The following CTNNA3 variants were observed in gnomAD, a reference collection of about 807,000 sequenced individuals.
The protein encoded by CTNNA3 is catenin alpha-3.
Under a neutral mutation model 95.7 loss-of-function variants are expected in CTNNA3, and 76 were observed. That is an observed-to-expected ratio of 0.79 (90% CI 0.66 to 0.96). The LOEUF is 0.96. Among genes scored for constraint, CTNNA3 ranks in the 40% least tolerant of loss-of-function variants. The probability of loss-of-function intolerance (pLI) is 0.00; values close to 1 mark genes in which losing one functional copy is unlikely to be tolerated. For missense variants in CTNNA3, 1,191 were observed against 1,089.8 expected, an observed-to-expected ratio of 1.09 and a Z score of -1.31; for synonymous variants, 431 against 374.4, an observed-to-expected ratio of 1.15 and a Z score of -1.74.
intron 1 of CTNNA3, among the ~76,000 whole-genome samples, chr10:67,752,098 A>T (rs149023920): frequency 0.016 from 2,505 of 152,304 alleles, 72 homozygotes; most frequent in African/African-American, 0.057. Context: ...AACCAAATCC[A>T]GCAGCACATC....
intron 7 of CTNNA3, among the ~76,000 whole-genome samples, chr10:66,875,689 T>C (rs1364557568): frequency 6.6e-6 from 1 of 152,172 alleles, no homozygotes; most frequent in Non-Finnish European, 1.5e-5. Context: ...GAGCAAAACA[T>C]TTAAATGTCA....
chr10:67,577,969 CA>C (rs1391321418), intron 3 of CTNNA3, among the ~76,000 whole-genome samples: 2 of 147,680 alleles, frequency 1.4e-5, no homozygotes, highest in Middle Eastern at 3.4e-3. Context: ...TTTCTACCAA[CA>C]GAATATAAGA....
chr10:67,197,120 T>C (rs1863411851), intron 6 of CTNNA3, among the ~76,000 whole-genome samples: 1 of 152,132 alleles, frequency 6.6e-6, no homozygotes, highest in African/African-American at 2.4e-5. Context: ...TAACATCATG[T>C]GTGTCCCACC....
At chr10:66,553,450 T>TG (rs936208032) in intron 10 of CTNNA3, among the ~76,000 whole-genome samples, 20 of 151,200 alleles carry the variant, frequency 1.3e-4, no homozygotes, top group African/African-American at 4.6e-4. Flanking sequence ...CTTTTTTTTT[T>TG]TCAGTGATTA....
intron 1 of CTNNA3, among the ~76,000 whole-genome samples, chr10:67,734,475 C>T (rs1206484048): frequency 1.3e-5 from 2 of 152,046 alleles, no homozygotes; most frequent in East Asian, 1.9e-4. Flanking sequence ...AAGGAATAAT[C>T]TAGCAGAGGA....
chr10:67,438,267 A>G (rs1326177929), intron 5 of CTNNA3, among the ~76,000 whole-genome samples: 2 of 152,170 alleles, frequency 1.3e-5, no homozygotes, highest in Non-Finnish European at 2.9e-5. Flanking sequence ...TGCCAAAACT[A>G]TCAATAAAGT....
chr10:66,660,783 C>G (rs1846236078), intron 9 of CTNNA3, among the ~76,000 whole-genome samples: 1 of 152,136 alleles, frequency 6.6e-6, no homozygotes, highest in Non-Finnish European at 1.5e-5. Context: ...TCTCTACTCT[C>G]ATTATCCCAT....
At position 66,626,407 on chromosome 10, in the gene CTNNA3, T is replaced by G. The variant is rs544499720; in HGVS notation, c.1282-4623A>C. Among the ~76,000 whole-genome samples the G allele has an allele frequency of 4.4e-4, 67 of 152,274 alleles. 1 individual carries two copies. The South Asian group carries it at 0.014, about 31-fold the overall frequency. ...TGTAATATCATGTCACCACGTCTCC[T>G]AGCTCTCAATGGGGGAGAAAGGTCA... is the stretch of plus-strand genomic sequence containing the variant. On this transcript the variant is annotated intron_variant, in intron 9 of 17. Transcript: ENST00000433211.
chr10:67,122,578 T>C (rs1484911159), intron 7 of CTNNA3, among the ~76,000 whole-genome samples: 1 of 152,148 alleles, frequency 6.6e-6, no homozygotes, highest in African/African-American at 2.4e-5. Context: ...TGTGGATGAA[T>C]CTATCTTGTT....
intron 10 of CTNNA3, among the ~76,000 whole-genome samples, chr10:66,616,526 G>A (rs1844519926): frequency 6.6e-6 from 1 of 151,976 alleles, no homozygotes; most frequent in Non-Finnish European, 1.5e-5. Flanking sequence ...GTGTTCATAT[G>A]ATATAGTTTC....
At chr10:66,616,893 T>A (rs1306114593) in intron 10 of CTNNA3, among the ~76,000 whole-genome samples, 2 of 151,992 alleles carry the variant, frequency 1.3e-5, no homozygotes, top group Admixed American at 6.6e-5. Flanking sequence ...CTTTTTTTCA[T>A]CTTATTAAAA....
At chr10:66,765,698 C>T (rs1206755964) in intron 9 of CTNNA3, among the ~76,000 whole-genome samples, 6 of 152,132 alleles carry the variant, frequency 3.9e-5, no homozygotes, top group African/African-American at 1.2e-4. Context: ...CAGCAATATG[C>T]TATCCTGTTC....
At chr10:66,039,507 T>C (rs1237829243) in intron 15 of CTNNA3, among the ~76,000 whole-genome samples, 3 of 152,278 alleles carry the variant, frequency 2.0e-5, no homozygotes, top group East Asian at 1.9e-4. Flanking sequence ...CAAAACAGCA[T>C]GGTAATGGTA....
intron 9 of CTNNA3, among the ~76,000 whole-genome samples, chr10:66,624,982 AC>A (rs1844882024): frequency 6.6e-6 from 1 of 151,474 alleles, no homozygotes; most frequent in Non-Finnish European, 1.5e-5. Flanking sequence ...AATAAATGGG[AC>A]AAAAGGTAGT....
Position 66,290,384 on chromosome 10 carries a change from G to T in CTNNA3, c.1733-9763C>A, listed in dbSNP as rs1459667408. Among the ~76,000 whole-genome samples, 4 of 151,842 alleles carry T rather than the reference G, an allele frequency of 2.6e-5. 1 individual carries two copies. The highest frequency in any genetic ancestry group is 2.6e-4 in the Admixed American group (4 of 15,226). On this transcript the variant is annotated intron_variant, in intron 12 of 17. Transcript: ENST00000433211. ...AGGTCCAGGCAAAAATGAAGCAATGGGTTATATGGTTCATATTACCTACTA... is the reference window on the plus strand; with the variant it reads ...AGGTCCAGGCAAAAATGAAGCAATGTGTTATATGGTTCATATTACCTACTA...
At chr10:67,243,370 G>C (rs993891278) in intron 5 of CTNNA3, among the ~76,000 whole-genome samples, 1 of 152,098 alleles carries the variant, frequency 6.6e-6, no homozygotes, top group African/African-American at 2.4e-5. Context: ...CTAGTCTAGA[G>C]GAGAAATAAT....
chr10:67,618,121 A>G (rs1193628346), intron 2 of CTNNA3, among the ~76,000 whole-genome samples: 2 of 152,192 alleles, frequency 1.3e-5, no homozygotes, highest in Non-Finnish European at 2.9e-5. Flanking sequence ...AGTTTATAGG[A>G]CAGTACTGAT....
intron 12 of CTNNA3, among the ~76,000 whole-genome samples, chr10:66,325,474 G>A (rs1421108572): frequency 6.6e-6 from 1 of 152,006 alleles, no homozygotes; most frequent in Non-Finnish European, 1.5e-5. Context: ...TGAACTCCTA[G>A]GCTCAAGGGA....
chr10:66,468,228 C>T (rs1190610538), intron 11 of CTNNA3, among the ~76,000 whole-genome samples: 5 of 151,652 alleles, frequency 3.3e-5, no homozygotes, highest in Admixed American at 6.6e-5. Flanking sequence ...CTATGATCTC[C>T]GAACTCCCAA....
Sources: gnomAD v4.1 joint callset for allele counts (sites outside exome capture counted in the v4.1 genomes callset) on GRCh38, gnomAD v4.1.1 for gene constraint, MANE v1.5 for transcripts, NCBI Gene and HGNC (gene_info 2026-07-23, HGNC 2026-07-21) for gene names.